The following PDE4D variants were observed in gnomAD, a reference collection of about 807,000 sequenced individuals.
PDE4D encodes phosphodiesterase 4D.
A neutral mutation model predicts 87.4 loss-of-function variants in PDE4D; 24 were observed. The ratio of observed to expected loss-of-function variants is 0.27; its 90% CI spans 0.20 to 0.39. The LOEUF (loss-of-function observed/expected upper bound fraction) is 0.39. Ranked by LOEUF, PDE4D falls within the 10% of genes least tolerant of loss-of-function variation. The probability of loss-of-function intolerance (pLI) is 1.00; values close to 1 mark genes in which losing one functional copy is unlikely to be tolerated. For synonymous variants in PDE4D, 384 were observed against 383.2 expected, an observed-to-expected ratio of 1.00 and a Z score of -0.02; for missense variants, 714 against 1,041.0, an observed-to-expected ratio of 0.69 and a Z score of 4.32.
rs139734231 is a variant in PDE4D, at chr5:60,028,819, A to G, written c.43-40102T>C. On this transcript the variant is annotated intron_variant, in intron 2 of 16. Coordinates refer to the PDE4D transcript ENST00000502484. ...AATGATTCCTAAATTCTAGGCACTCAATACATATTGATTTGCTGAATAAAT... is the reference window on the plus strand; with the variant it reads ...AATGATTCCTAAATTCTAGGCACTCGATACATATTGATTTGCTGAATAAAT... Among the ~76,000 whole-genome samples, 733 of 152,276 alleles carry G rather than the reference A, an allele frequency of 4.8e-3. 4 individuals carry two copies. Among genetic ancestry groups the G allele is most frequent in the African/African-American group, 0.017 (702 of 41,556 alleles).
intron 2 of PDE4D, among the ~76,000 whole-genome samples, chr5:59,207,854 G>A (rs1380657769): frequency 6.7e-6 from 1 of 148,604 alleles, no homozygotes; most frequent in East Asian, 1.9e-4. Flanking sequence ...ATGATTTTTA[G>A]AGTTTTTTTT....
intron 1 of PDE4D, among the ~76,000 whole-genome samples, chr5:60,224,304 A>G (rs779149326): frequency 5.3e-5 from 8 of 152,098 alleles, no homozygotes; most frequent in Non-Finnish European, 1.2e-4. Flanking sequence ...CCCTCTTCTA[A>G]GAGCACATGA....
intron 1 of PDE4D, among the ~76,000 whole-genome samples, chr5:60,366,263 T>C (rs1259300404): frequency 1.3e-5 from 2 of 152,016 alleles, no homozygotes; most frequent in African/African-American, 4.8e-5. Context: ...AGGGTTTTTA[T>C]ATCTAAGCTA....
intron 1 of PDE4D, among the ~76,000 whole-genome samples, chr5:59,714,672 AG>A (rs1754727755): frequency 6.6e-6 from 1 of 152,246 alleles, no homozygotes; most frequent in African/African-American, 2.4e-5. Context: ...CTAGAGAGCC[AG>A]GAACAGTTCG....
intron 3 of PDE4D, among the ~76,000 whole-genome samples, chr5:59,968,290 G>T (rs1328556526): frequency 6.6e-6 from 1 of 151,946 alleles, no homozygotes; most frequent in Non-Finnish European, 1.5e-5. Flanking sequence ...GGCCCACTGG[G>T]TGCCATATTC....
intron 1 of PDE4D, among the ~76,000 whole-genome samples, chr5:59,236,140 A>G (rs1210215427): frequency 6.6e-6 from 1 of 152,088 alleles, no homozygotes; most frequent in Non-Finnish European, 1.5e-5. Flanking sequence ...CCTGATAGCT[A>G]TTTTTTGACC....
At chr5:59,677,652 C>T (rs1748325675) in intron 1 of PDE4D, among the ~76,000 whole-genome samples, 1 of 152,162 alleles carries the variant, frequency 6.6e-6, no homozygotes, top group Non-Finnish European at 1.5e-5. Context: ...ACTGACCAAA[C>T]ACTGACACTT....
At chr5:60,370,759 ATG>A (rs139182100) in intron 1 of PDE4D, among the ~76,000 whole-genome samples, 13 of 149,924 alleles carry the variant, frequency 8.7e-5, no homozygotes, top group South Asian at 2.1e-4. Flanking sequence ...TTTTGTGTAT[ATG>A]TGTGTGTGTG....
intron 5 of PDE4D, among the ~76,000 whole-genome samples, chr5:59,126,116 A>C (rs1775361785): frequency 6.8e-6 from 1 of 146,144 alleles, no homozygotes; most frequent in Admixed American, 6.8e-5. Context: ...AAAGAGAGAG[A>C]GAGAGAGAGA....
intron 6 of PDE4D, among the ~76,000 whole-genome samples, chr5:59,031,102 G>GA (rs2153384409): frequency 6.6e-6 from 1 of 152,056 alleles, no homozygotes. Context: ...AGGATGTGGA[G>GA]AAAAGGGAGC....
intron 1 of PDE4D, among the ~76,000 whole-genome samples, chr5:59,849,478 T>C (rs544214940): frequency 2.6e-5 from 4 of 152,114 alleles, no homozygotes; most frequent in African/African-American, 7.2e-5. Flanking sequence ...ATTCATTGTT[T>C]ATATCCACAG....
chr5:59,720,308 C>A (rs961822329), intron 1 of PDE4D, among the ~76,000 whole-genome samples: 1 of 152,106 alleles, frequency 6.6e-6, no homozygotes, highest in Non-Finnish European at 1.5e-5. Flanking sequence ...TATGTGCTAT[C>A]ATGCCAGGCT....
intron 1 of PDE4D, among the ~76,000 whole-genome samples, chr5:59,716,224 T>C (rs1405047926): frequency 3.3e-5 from 5 of 152,244 alleles, no homozygotes; most frequent in Admixed American, 6.5e-5. Flanking sequence ...TGATCACCCA[T>C]GTAAGCTTGT....
intron 1 of PDE4D, among the ~76,000 whole-genome samples, chr5:59,802,511 GC>G (rs1348679479): frequency 8.1e-5 from 12 of 148,580 alleles, no homozygotes; most frequent in African/African-American, 3.0e-4. Context: ...CGATTCTCCT[GC>G]CTCAGCCTCC....
At chr5:60,197,070 T>TAGATAGATAGATAGATAGATAGATAGAC in intron 1 of PDE4D, among the ~76,000 whole-genome samples, 1 of 122,920 alleles carries the variant, frequency 8.1e-6, no homozygotes. Flanking sequence ...GATAGATAGA[T>TAGATAGATAGATAGATAGATAGATAGAC]AGACAGTTAG....
chr5:59,697,053 A>G (rs1245532563), intron 1 of PDE4D, among the ~76,000 whole-genome samples: 1 of 152,240 alleles, frequency 6.6e-6, no homozygotes, highest in Non-Finnish European at 1.5e-5. Flanking sequence ...ATTTGGGAAT[A>G]GAAAGAGAGT....
At chr5:59,906,729 C>G (rs1319585670) in intron 3 of PDE4D, among the ~76,000 whole-genome samples, 1 of 152,090 alleles carries the variant, frequency 6.6e-6, no homozygotes, top group Non-Finnish European at 1.5e-5. Flanking sequence ...GAGATACCAT[C>G]TTATTCCAGT....
chr5:60,448,192 T>A (rs16878106), intron 1 of PDE4D, among the ~76,000 whole-genome samples: 17,983 of 152,122 alleles, frequency 0.12, 1,900 homozygotes, highest in African/African-American at 0.27. Flanking sequence ...CAGTCAATTC[T>A]TAAAGTTTTC....
At chr5:59,806,202 C>T (rs371582970) in intron 1 of PDE4D, among the ~76,000 whole-genome samples, 9 of 152,188 alleles carry the variant, frequency 5.9e-5, no homozygotes, top group African/African-American at 2.2e-4. Flanking sequence ...AGACAGCGTT[C>T]CTCTCCAAAG....
Sources: gnomAD v4.1 joint callset for allele counts (sites outside exome capture counted in the v4.1 genomes callset) on GRCh38, gnomAD v4.1.1 for gene constraint, MANE v1.5 for transcripts, NCBI Gene and HGNC (gene_info 2026-07-23, HGNC 2026-07-21) for gene names.